Variants in GRIP1 observed in about 807,000 individuals in gnomAD.
The protein encoded by GRIP1 is glutamate receptor-interacting protein 1.
Under a neutral mutation model 129.9 loss-of-function variants are expected in GRIP1, and 45 were observed. That is an observed-to-expected ratio of 0.35 (90% CI 0.27 to 0.44). The LOEUF (loss-of-function observed/expected upper bound fraction) is 0.44. Ranked by LOEUF, GRIP1 falls within the 20% of genes least tolerant of loss-of-function variation. The pLI is 1.00. For missense variants in GRIP1, 1,196 were observed against 1,396.8 expected, an observed-to-expected ratio of 0.86 and a Z score of 2.29; for synonymous variants, 530 against 520.8, an observed-to-expected ratio of 1.02 and a Z score of -0.24.
At position 66,942,893 on chromosome 12, in the gene GRIP1, C is replaced by T. The variant is rs377478458; in HGVS notation, c.58+126157G>A. On this transcript the variant is annotated intron_variant, in intron 1 of 1. Coordinates refer to the GRIP1 transcript ENST00000643019. ...AGCTTGCTACTTCTCTCTCCGGTCT[C>T]TACCGTGTGAGGATAGGAGAAGATG... is the stretch of plus-strand genomic sequence containing the variant. Among the ~76,000 whole-genome samples, 57 of 152,326 alleles carry T rather than the reference C, an allele frequency of 3.7e-4. 1 individual carries two copies. Among genetic ancestry groups the T allele is most frequent in the African/African-American group, 1.2e-3 (50 of 41,576 alleles).
At chr12:66,810,951 C>T (rs1234161132) in intron 1 of GRIP1, among the ~76,000 whole-genome samples, 1 of 152,102 alleles carries the variant, frequency 6.6e-6, no homozygotes, top group Non-Finnish European at 1.5e-5. Context: ...AAGGTCGACC[C>T]TCCATTGGCT....
Position 66,371,797 on chromosome 12 carries a change from C to A in GRIP1, c.2909G>T (p.Ser970Ile), listed in dbSNP as rs755581667. The A allele has an allele frequency of 1.9e-6, 3 of 1,613,984 alleles. No individual in the cohort carries two copies. Among genetic ancestry groups the A allele is most frequent in the South Asian group, 2.2e-5 (2 of 91,092 alleles). Reference protein sequence around the residue: ...SRPHYSQTTRSNTLPSDVGRK... With the variant: ...SRPHYSQTTRINTLPSDVGRK... ...ACCCACATCTGAAGGCAGGGTGTTG[C>A]TCCGAGTTGTTTGGCTGTAGTGCGG... The change falls in exon 23 of 25, where the codon AGC (serine) becomes ATC (isoleucine). Residue 970 changes from serine to isoleucine, a missense_variant. Physicochemically the swap from Ser to Ile is moderately radical, Grantham distance 142 (BLOSUM62 -2). Around this residue, in one of 5 missense-constraint regions of GRIP1, gnomAD observed 427 missense variants for 463.3 expected, o/e 0.92. Transcript: ENST00000359742.
intron 1 of GRIP1, among the ~76,000 whole-genome samples, chr12:66,696,905 C>CA (rs1167342104): frequency 1.3e-5 from 2 of 149,916 alleles, no homozygotes; most frequent in African/African-American, 2.5e-5. Flanking sequence ...TTGGTAGATG[C>CA]AAAAAAAGTT....
At chr12:66,995,260 CAAT>C (rs1263276868) in intron 1 of GRIP1, among the ~76,000 whole-genome samples, 1 of 149,168 alleles carries the variant, frequency 6.7e-6, no homozygotes, top group Non-Finnish European at 1.5e-5. Context: ...GAAATTATAA[CAAT>C]AAATCACTGT....
intron 16 of GRIP1, among the ~76,000 whole-genome samples, chr12:66,401,641 CA>C: frequency 7.1e-6 from 1 of 141,008 alleles, no homozygotes. Flanking sequence ...CACACACACA[CA>C]CACACACACA....
chr12:66,848,366 T>G (rs971068114), intron 1 of GRIP1, among the ~76,000 whole-genome samples: 2 of 152,070 alleles, frequency 1.3e-5, no homozygotes, highest in Non-Finnish European at 2.9e-5. Context: ...TCCTCTATGA[T>G]GAACACTATA....
At chr12:66,889,422 T>C (rs961412023) in intron 1 of GRIP1, among the ~76,000 whole-genome samples, 3 of 152,038 alleles carry the variant, frequency 2.0e-5, no homozygotes, top group Non-Finnish European at 4.4e-5. Context: ...GATCACACCA[T>C]TGCACTCCAG....
intron 1 of GRIP1, among the ~76,000 whole-genome samples, chr12:66,981,287 T>C (rs1249640698): frequency 1.9e-5 from 2 of 107,994 alleles, no homozygotes; most frequent in Admixed American, 1.0e-4. Context: ...AAGAACTACC[T>C]TCTTATAATT....
chr12:66,682,991 C>T (rs112533968), upstream of GRIP1, among the ~76,000 whole-genome samples: 838 of 152,196 alleles, frequency 5.5e-3, 9 homozygotes, highest in African/African-American at 0.019. Context: ...GCTTAGCTCA[C>T]TATTTAAACA....
intron 5 of GRIP1, among the ~76,000 whole-genome samples, chr12:66,529,587 G>A (rs1269962239): frequency 6.6e-6 from 1 of 152,156 alleles, no homozygotes; most frequent in Admixed American, 6.6e-5. Context: ...GCTAAGCTAT[G>A]AGAATGCAAA....
chr12:66,956,688 T>C (rs1029278862), intron 1 of GRIP1, among the ~76,000 whole-genome samples: 1 of 152,164 alleles, frequency 6.6e-6, no homozygotes, highest in African/African-American at 2.4e-5. Flanking sequence ...GATGTCCTAT[T>C]TTCCCTGTCC....
At chr12:66,615,988 C>T (rs980142802) in intron 1 of GRIP1, among the ~76,000 whole-genome samples, 11 of 152,284 alleles carry the variant, frequency 7.2e-5, no homozygotes, top group East Asian at 1.9e-4. Context: ...TGCATTCAAA[C>T]GTAGAAGGCC....
chr12:66,534,655 T>C (rs1394088088), intron 4 of GRIP1, among the ~76,000 whole-genome samples: 6 of 151,778 alleles, frequency 4.0e-5, no homozygotes, highest in Admixed American at 3.9e-4. Context: ...TCTTTCTCTC[T>C]TCCCTTCCTC....
At chr12:66,603,919 A>C (rs1045663201) in intron 1 of GRIP1, among the ~76,000 whole-genome samples, 1 of 152,238 alleles carries the variant, frequency 6.6e-6, no homozygotes, top group Non-Finnish European at 1.5e-5. Flanking sequence ...GTCAATTTAC[A>C]TTTTAAGGTG....
chr12:66,555,315 T>C (rs572038246), intron 2 of GRIP1, among the ~76,000 whole-genome samples: 2 of 152,272 alleles, frequency 1.3e-5, no homozygotes, highest in African/African-American at 4.8e-5. Flanking sequence ...GATGCCTCTA[T>C]GAGTCTATAA....
At chr12:66,656,374 T>C (rs1456004901) in intron 1 of GRIP1, among the ~76,000 whole-genome samples, 2 of 152,116 alleles carry the variant, frequency 1.3e-5, no homozygotes, top group African/African-American at 2.4e-5. Flanking sequence ...CTGGGCTTTA[T>C]TGCAAAATCT....
chr12:66,945,056 GTGCTGGGATTACAGA>G (rs1485578362), intron 1 of GRIP1, among the ~76,000 whole-genome samples: 1 of 152,174 alleles, frequency 6.6e-6, no homozygotes, highest in Admixed American at 6.5e-5. Flanking sequence ...GCCTCCCAAA[GTGCTGGGATTACAGA>G]TGTGAGCCAC....
chr12:66,364,454 T>C (rs1370740695), intron 23 of GRIP1, among the ~76,000 whole-genome samples: 2 of 152,072 alleles, frequency 1.3e-5, no homozygotes, highest in Admixed American at 6.6e-5. Context: ...GGTAGCTGTA[T>C]ACCTTTCTCA....
chr12:66,919,758 T>C (rs555229552), intron 1 of GRIP1, among the ~76,000 whole-genome samples: 1 of 152,266 alleles, frequency 6.6e-6, no homozygotes, highest in African/African-American at 2.4e-5. Context: ...ATGTATAATA[T>C]TCACTTGCAC....
Sources: allele counts gnomAD v4.1 joint callset (sites outside exome capture counted in the v4.1 genomes callset), GRCh38; gene constraint gnomAD v4.1.1; regional missense constraint gnomAD v4.1.1; transcripts MANE v1.5; gene names NCBI Gene and HGNC (gene_info 2026-07-23, HGNC 2026-07-21).